The following CALCRL variants were observed in gnomAD, a reference collection of about 807,000 sequenced individuals.
The protein encoded by CALCRL is calcitonin gene-related peptide type 1 receptor.
Under a neutral mutation model 60.4 loss-of-function variants are expected in CALCRL, and 27 were observed. The ratio of observed to expected loss-of-function variants is 0.45; its 90% CI spans 0.33 to 0.62. The LOEUF is 0.62. CALCRL is among the 20% of genes least tolerant of loss of function. CALCRL has a pLI of 0.03. For synonymous variants in CALCRL, 190 were observed against 182.6 expected (o/e 1.04, Z -0.33); for missense variants, 424 against 540.7 (o/e 0.78, Z 2.14).
intron 7 of CALCRL, among the ~76,000 whole-genome samples, chr2:187,379,516 T>C (rs781160503): frequency 2.6e-5 from 4 of 152,180 alleles, no homozygotes; most frequent in African/African-American, 7.2e-5. Flanking sequence ...GAAGATTCTA[T>C]GATCTGTACA....
In CALCRL at chr2:187,349,130, T is replaced by A. The variant is rs867831342; in HGVS notation, c.1171-2731A>T. 2.6e-5 allele frequency among the ~76,000 whole-genome samples: 4 copies of A among 151,642 alleles called. 1 individual carries two copies. Among genetic ancestry groups the A allele is most frequent in the Non-Finnish European group, 5.9e-5 (4 of 67,702 alleles). On this transcript the variant is annotated intron_variant, in intron 14 of 14. Transcript: ENST00000392370. ...TTTAATTGTCTGTCCTCAACAAAAC[T>A]TTTTGCTCATCTTATGGAATATCTA...
chr2:187,362,986 T>C (rs868074754), intron 9 of CALCRL, among the ~76,000 whole-genome samples: 1 of 152,170 alleles, frequency 6.6e-6, no homozygotes, highest in South Asian at 2.1e-4. Context: ...GTTTTTCATT[T>C]GGATTGAATA....
At position 187,346,236 on chromosome 2, in the gene CALCRL, C is replaced by CA; in HGVS notation, c.1333_1334insT (p.Ser445MetfsTer4). The CA allele has an allele frequency of 6.2e-7, 1 of 1,611,608 alleles. No individual in the cohort carries two copies. The highest frequency in any genetic ancestry group is 8.5e-7 in the Non-Finnish European group (1 of 1,178,546). On this transcript the variant is annotated frameshift_variant, in exon 15 of 15. Coordinates refer to ENST00000392370, the MANE Select transcript of CALCRL (RefSeq NM_005795.6). LOFTEE classifies it high-confidence loss of function. The stretch of plus-strand genomic sequence containing the variant: ...GAGAACATTTTCAATATCATGGATG[C>CA]TTTTTCCATTTAAGTGTTCACTAGG...
chr2:187,349,973 G>A (rs1014389551), intron 14 of CALCRL, among the ~76,000 whole-genome samples: 4 of 151,630 alleles, frequency 2.6e-5, no homozygotes, highest in Non-Finnish European at 4.4e-5. Context: ...TTCTTAGCTT[G>A]TATTTATTTT....
Position 187,383,246 on chromosome 2 carries a change from A to C in CALCRL, c.111T>G (p.Thr37=). 6.2e-7 allele frequency: 1 copy of C among 1,612,388 alleles called. No individual in the cohort carries two copies. The highest frequency in any genetic ancestry group is 8.5e-7 in the Non-Finnish European group (1 of 1,179,250). ...SPEDSIQLGV[T]RNKIMTAQYE... ...ATTGAGCTGTCATGATTTTATTTCT[A>C]GTAACTCCCAACTGAATTGAGTCCT... Residue 37 remains threonine, a synonymous_variant, in exon 5 of 15, where the codon ACT becomes ACG. Transcript: ENST00000392370.
intron 14 of CALCRL, among the ~76,000 whole-genome samples, chr2:187,347,300 G>A (rs1217998862): frequency 6.6e-6 from 1 of 151,776 alleles, no homozygotes; most frequent in Non-Finnish European, 1.5e-5. Context: ...CTGGCTTGGA[G>A]CAGCCTGCTT....
chr2:187,368,862 G>A (rs1053577080), intron 8 of CALCRL, among the ~76,000 whole-genome samples: 5 of 151,944 alleles, frequency 3.3e-5, no homozygotes, highest in Non-Finnish European at 7.4e-5. Flanking sequence ...ACAAACCATA[G>A]GCAGAAAACA....
chr2:187,357,816 C>A (rs1454219284), intron 12 of CALCRL, among the ~76,000 whole-genome samples: 10 of 66,606 alleles, frequency 1.5e-4, no homozygotes, highest in African/African-American at 7.2e-4. Context: ...ACAACAACAA[C>A]AATGAAAGAA....
At position 187,346,258 on chromosome 2, in the gene CALCRL, T is replaced by C. The variant is rs780062941; in HGVS notation, c.1312A>G (p.Ser438Gly). Residue 438 changes from serine (S) to glycine (G), a missense_variant, in exon 15 of 15, where the codon AGT (serine) becomes GGT (glycine). By Grantham distance (56) the Ser-to-Gly change is moderately conservative. This residue lies in a region of CALCRL where 222 missense variants were observed against 265.6 expected (regional missense o/e 0.84). Transcript: ENST00000392370. Reference protein sequence around the residue: ...DGPGYSHDCPSEHLNGKSIHD... With the variant: ...DGPGYSHDCPGEHLNGKSIHD... ...ATGCTTTTTCCATTTAAGTGTTCAC[T>C]AGGACAGTCATGACTATAACCTGGA... 1.2e-6 allele frequency: 2 copies of C among 1,612,354 alleles called. No individual in the cohort carries two copies. The highest frequency in any genetic ancestry group is 3.3e-5 in the Admixed American group (2 of 59,756).
At chr2:187,426,212 T>C (rs1690112416) in intron 1 of CALCRL, among the ~76,000 whole-genome samples, 2 of 150,842 alleles carry the variant, frequency 1.3e-5, no homozygotes, top group African/African-American at 2.4e-5. Context: ...CACTTTAAAA[T>C]CTGTGAAGTT....
In CALCRL at chr2:187,408,195, C is replaced by T. The variant is rs541806213; in HGVS notation, c.-292-20439G>A. On this transcript the variant is annotated intron_variant, in intron 1 of 14. Coordinates refer to ENST00000392370, the MANE Select transcript of CALCRL (RefSeq NM_005795.6). ...AGCCAAAGTTAAAAAAATAGAAAAC[C>T]TTTTCTGGTTAATTTACTTCAGATA... Among the ~76,000 whole-genome samples, 5 of 151,716 alleles carry T rather than the reference C, an allele frequency of 3.3e-5. No homozygotes were observed. In the South Asian group the frequency reaches 1.0e-3, roughly 32 times the overall value.
intron 8 of CALCRL, among the ~76,000 whole-genome samples, chr2:187,372,009 T>G (rs1032919051): frequency 1.6e-4 from 25 of 152,150 alleles, no homozygotes; most frequent in South Asian, 4.1e-4. Flanking sequence ...AGGTTATTTT[T>G]TTCTGAATTT....
At chr2:187,441,969 G>A (rs955007207) in intron 1 of CALCRL, 2 of 150,926 alleles carry the variant, frequency 1.3e-5, no homozygotes, top group African/African-American at 4.9e-5. Flanking sequence ...TCTGTCTGCT[G>A]GGAAAACTCT....
chr2:187,391,782 A>C (rs901679892), intron 1 of CALCRL, among the ~76,000 whole-genome samples: 5 of 152,112 alleles, frequency 3.3e-5, no homozygotes, highest in Admixed American at 2.6e-4. Flanking sequence ...AAAATGATAT[A>C]TTTCATCACA....
In CALCRL at chr2:187,378,964, G is replaced by A; in HGVS notation, c.476C>T (p.Ser159Leu). ...CTTGAAATAAAAGAATATGCCAAGC[G>A]AGATAAGCAGTGATGCAATAGACAA... The part of the protein sequence containing the change: ...HGLSIASLLI[S>L]LGIFFYFKSL... The change falls in exon 8 of 15, where the codon TCG becomes TTG. Residue 159 changes from serine (S) to leucine (L), a missense_variant. Ser to Leu is a moderately radical substitution (Grantham distance 145, BLOSUM62 -2). Transcript: ENST00000392370. 6.2e-7 allele frequency: 1 copy of A among 1,602,836 alleles called. No homozygotes were observed. The highest frequency in any genetic ancestry group is 8.5e-7 in the Non-Finnish European group (1 of 1,171,756).
At position 187,380,719 on chromosome 2, in the gene CALCRL, T is replaced by C. The variant is rs139246267; in HGVS notation, c.253A>G (p.Met85Val). 1.5e-4 allele frequency: 243 copies of C among 1,614,006 alleles called. 1 individual carries two copies. The highest frequency in any genetic ancestry group is 1.9e-4 in the Non-Finnish European group (227 of 1,179,990). ...WNDVAAGTES[M>V]QLCPDYFQDF... ...TGAAAGTAATCAGGGCAGAGCTGCATTGATTCAGTTCCTGCTGCAACATCG... is the reference window on the plus strand; with the variant it reads ...TGAAAGTAATCAGGGCAGAGCTGCACTGATTCAGTTCCTGCTGCAACATCG... The change falls in exon 6 of 15, where the codon ATG becomes GTG. Residue 85 changes from methionine (M) to valine (V), a missense_variant. Met to Val is a conservative substitution (Grantham distance 21). Transcript: ENST00000392370.
At chr2:187,365,093 G>T (rs698579) in intron 8 of CALCRL, among the ~76,000 whole-genome samples, 48,362 of 152,002 alleles carry the variant, frequency 0.32, 7,885 homozygotes, top group Middle Eastern at 0.42. Flanking sequence ...CAAAGGAGTG[G>T]CATGATTCCT....
chr2:187,411,978 CA>C (rs56075258), intron 1 of CALCRL, among the ~76,000 whole-genome samples: 7,963 of 61,412 alleles, frequency 0.13, 174 homozygotes, highest in East Asian at 0.23. Context: ...GACTCTGTCT[CA>C]AAAAAAAAAA....
intron 10 of CALCRL, among the ~76,000 whole-genome samples, chr2:187,359,674 TC>T (rs1302950793): frequency 1.3e-5 from 2 of 152,066 alleles, no homozygotes; most frequent in African/African-American, 2.4e-5. Context: ...CACAAGAACT[TC>T]CACTATGAGA....
Sources: gnomAD v4.1 joint callset for allele counts (sites outside exome capture counted in the v4.1 genomes callset) on GRCh38, gnomAD v4.1.1 for gene constraint, gnomAD v4.1.1 regional missense constraint, MANE v1.5 for transcripts, NCBI Gene and HGNC (gene_info 2026-07-23, HGNC 2026-07-21) for gene names.